Variants in BRWD1 observed in about 807,000 individuals in gnomAD.
The protein encoded by BRWD1 is bromodomain and WD repeat-containing protein 1.
Under a neutral mutation model 251.2 loss-of-function variants are expected in BRWD1, and 82 were observed. That is an observed-to-expected ratio of 0.33 (90% CI 0.27 to 0.39). The LOEUF is 0.39. Ranked by LOEUF, BRWD1 falls within the 10% of genes least tolerant of loss-of-function variation. BRWD1 has a pLI of 1.00. For synonymous variants in BRWD1, 918 were observed against 902.8 expected (o/e 1.02, Z -0.30); for missense variants, 2,233 against 2,711.6 (o/e 0.82, Z 3.92).
intron 4 of BRWD1, among the ~76,000 whole-genome samples, chr21:39,308,450 C>A (rs1464422654): frequency 2.7e-5 from 4 of 147,878 alleles, no homozygotes; most frequent in Non-Finnish European, 5.9e-5. Context: ...CCACTGCACT[C>A]CAGCCTGGGC....
chr21:39,293,690 C>A, intron 8 of BRWD1, 121 bp downstream of exon 8: 1 of 729,526 alleles, frequency 1.4e-6, no homozygotes, highest in African/African-American at 1.8e-5. Flanking sequence ...GAATGATTAT[C>A]ACTTCTCTTA....
chr21:39,192,960 T>C lies in BRWD1; in HGVS notation c.*3299A>G, dbSNP rs2031629791. ...AAAAAAGTCTAGAAGACAGAGGGAA[T>C]GTAGTGTGCACCCCTTATTCTAAGT... On this transcript the variant is annotated 3_prime_UTR_variant, in exon 41 of 41. Transcript: ENST00000342449. The C allele has an allele frequency of 1.0e-6, 1 of 984,294 alleles. No individual in the cohort carries two copies. Among genetic ancestry groups the C allele is most frequent in the Non-Finnish European group, 1.2e-6 (1 of 829,144 alleles). 61.0% of individuals were successfully genotyped at this position (984,294 alleles called of 1,614,324 possible). A position where few individuals can be genotyped will look rare whatever the true frequency, so the allele number is the denominator to read the frequency against.
chr21:39,225,112 A>G lies in BRWD1; in HGVS notation c.3294T>C (p.Asp1098=). 1 of 1,610,330 alleles carries G rather than the reference A, an allele frequency of 6.2e-7. No individual in the cohort carries two copies. The highest frequency in any genetic ancestry group is 2.2e-5 in the East Asian group (1 of 44,820). The change falls in exon 28 of 41, where the codon GAT becomes GAC. Residue 1098 remains aspartate (D), a synonymous_variant. Coordinates refer to ENST00000342449, the MANE Select transcript of BRWD1 (RefSeq NM_033656.4). ...TAACAATATAACACTGGAAATGACT[A>G]TCAGGATACTGTGGTTGATATGGCT... ...SQEPYQPQYP[D]SHFQCYIVRW...
At chr21:39,198,697 C>A in intron 40 of BRWD1, 66 bp downstream of exon 40, 7 of 1,400,782 alleles carry the variant, frequency 5.0e-6, no homozygotes, top group Admixed American at 5.2e-5. Flanking sequence ...GGGAAAAAAC[C>A]AATGTGTGTA....
chr21:39,211,748 G>A (rs941573180), intron 34 of BRWD1, among the ~76,000 whole-genome samples: 3 of 152,024 alleles, frequency 2.0e-5, no homozygotes, highest in African/African-American at 4.8e-5. Context: ...AAAATTAAAC[G>A]AAAATGACTA....
chr21:39,204,955 C>T (rs1440493230), intron 37 of BRWD1, among the ~76,000 whole-genome samples: 2 of 152,000 alleles, frequency 1.3e-5, no homozygotes, highest in Non-Finnish European at 2.9e-5. Context: ...CTGGGGACTC[C>T]GACTCTATAT....
chr21:39,194,889 CT>C lies in BRWD1; in HGVS notation c.*1369del. 6.5e-7 allele frequency: 1 copy of C among 1,527,940 alleles called. No individual in the cohort carries two copies. Among genetic ancestry groups the C allele is most frequent in the Non-Finnish European group, 8.8e-7 (1 of 1,142,154 alleles). 94.6% of individuals were successfully genotyped at this position (1,527,940 alleles called of 1,614,324 possible). ...TGTCTGAAATCAAACACAATTAGGG[CT>C]AATAAATAACTTACAGGTGGGGTAC... On this transcript the variant is annotated 3_prime_UTR_variant, in exon 41 of 41. Coordinates refer to ENST00000342449, the MANE Select transcript of BRWD1 (RefSeq NM_033656.4).
chr21:39,268,559 A>C (rs150943029), intron 15 of BRWD1, among the ~76,000 whole-genome samples: 1 of 152,162 alleles, frequency 6.6e-6, no homozygotes, highest in Non-Finnish European at 1.5e-5. Context: ...TTAAAAAACT[A>C]TAACAATCTA....
At chr21:39,211,719 C>A (rs774884874) in intron 34 of BRWD1, among the ~76,000 whole-genome samples, 10 of 152,152 alleles carry the variant, frequency 6.6e-5, no homozygotes, top group Non-Finnish European at 1.5e-4. Flanking sequence ...AAATACTAAA[C>A]ACTTGGGAGT....
chr21:39,226,431 C>T (rs1446008347), intron 27 of BRWD1, among the ~76,000 whole-genome samples: 1 of 152,084 alleles, frequency 6.6e-6, no homozygotes, highest in Non-Finnish European at 1.5e-5. Flanking sequence ...AAAAATAAAA[C>T]AAAAACCACT....
rs576894701 is a variant in BRWD1, at chr21:39,313,110, G to A, written c.109-9C>T. On this transcript the variant is annotated splice_polypyrimidine_tract_variant and intron_variant, in intron 2 of 40. Transcript: ENST00000342449. ...AGCTCCTGCACCAGCACCTGCGGCC[G>A]AGAGACGCGCGGTCAGGGGTGGGGT... is the stretch of plus-strand genomic sequence containing the variant. 3.8e-5 allele frequency: 57 copies of A among 1,496,394 alleles called. No homozygotes were observed. In the South Asian group the frequency reaches 6.5e-4, roughly 17 times the overall value. 92.7% of individuals were successfully genotyped at this position (1,496,394 alleles called of 1,614,324 possible).
chr21:39,235,022 G>A (rs1601345612), intron 23 of BRWD1, among the ~76,000 whole-genome samples: 1 of 152,162 alleles, frequency 6.6e-6, no homozygotes, highest in Admixed American at 6.5e-5. Flanking sequence ...GCTAAGGTGG[G>A]CAGATCACCT....
At chr21:39,241,619 A>C (rs2034006338) in intron 21 of BRWD1, among the ~76,000 whole-genome samples, 1 of 152,098 alleles carries the variant, frequency 6.6e-6, no homozygotes, top group Non-Finnish European at 1.5e-5. Context: ...CGTGCATAAC[A>C]ATGACAGATA....
intron 4 of BRWD1, among the ~76,000 whole-genome samples, chr21:39,307,465 G>GTATGTATATA (rs1335904214): frequency 6.6e-6 from 1 of 151,984 alleles, no homozygotes; most frequent in Non-Finnish European, 1.5e-5. Context: ...ATATATGTTT[G>GTATGTATATA]TATGTATATA....
At chr21:39,315,031 C>T (rs1429976498), upstream of BRWD1, 1 of 152,194 alleles carries the variant, frequency 6.6e-6, no homozygotes, top group Non-Finnish European at 1.5e-5. Flanking sequence ...GAGACAGGGT[C>T]TTGCTCTCAG....
chr21:39,217,802 T>A (rs1191937823), intron 31 of BRWD1, among the ~76,000 whole-genome samples: 1 of 152,236 alleles, frequency 6.6e-6, no homozygotes, highest in Admixed American at 6.5e-5. Flanking sequence ...CAATTATGGC[T>A]ATTAATTTTA....
intron 5 of BRWD1, chr21:39,297,859 T>C (rs1483877664): frequency 1.0e-6 from 1 of 975,416 alleles, no homozygotes; most frequent in Non-Finnish European, 1.2e-6. Flanking sequence ...CACATACATA[T>C]ACTTAGTCTA....
rs762588491 is a variant in BRWD1 at position 39,196,515 on chromosome 21, G to A, written c.6554C>T (p.Ala2185Val). 1.9e-6 allele frequency: 3 copies of A among 1,613,454 alleles called. No individual in the cohort carries two copies. Among genetic ancestry groups the A allele is most frequent in the South Asian group, 1.1e-5 (1 of 91,020 alleles). Residue 2185 changes from alanine to valine, a missense_variant, in exon 41 of 41, where the codon GCA (alanine) becomes GTA (valine). Coordinates refer to ENST00000342449, the MANE Select transcript of BRWD1 (RefSeq NM_033656.4). ...KTKRRKTKGKAKVVRKGKTFT... is the reference protein window; with the variant it reads ...KTKRRKTKGKVKVVRKGKTFT... The stretch of plus-strand genomic sequence containing the variant: ...AGTTTTACCTTTTCTAACTACTTTT[G>A]CTTTTCCTTTCGTTTTCCTCCTTTT...
chr21:39,259,709 C>T (rs941121285), intron 17 of BRWD1, among the ~76,000 whole-genome samples: 11 of 152,192 alleles, frequency 7.2e-5, no homozygotes, highest in African/African-American at 1.2e-4. Context: ...TGGTGGCGCA[C>T]GCCTGTAGTC....
Sources: gnomAD v4.1 joint callset for allele counts (sites outside exome capture counted in the v4.1 genomes callset) on GRCh38, gnomAD v4.1.1 for gene constraint, MANE v1.5 for transcripts, NCBI Gene and HGNC (gene_info 2026-07-23, HGNC 2026-07-21) for gene names.